Variants in PKNOX2 observed in about 807,000 individuals in gnomAD.
The protein encoded by PKNOX2 is PBX/knotted 1 homeobox 2.
PKNOX2 carries 14 observed loss-of-function variants against 53.1 expected under a neutral mutation model. That is an observed-to-expected ratio of 0.26 (90% CI 0.17 to 0.41). PKNOX2 has a LOEUF of 0.41. Ranked by LOEUF, PKNOX2 falls within the 10% of genes least tolerant of loss-of-function variation. The pLI, the probability that PKNOX2 is intolerant of heterozygous loss-of-function variation, is 1.00. For synonymous variants in PKNOX2, 257 were observed against 242.8 expected (o/e 1.06, Z -0.54); for missense variants, 496 against 602.8 (o/e 0.82, Z 1.85).
intron 6 of PKNOX2, among the ~76,000 whole-genome samples, chr11:125,394,692 A>C (rs911892270): frequency 6.6e-6 from 1 of 152,202 alleles, no homozygotes; most frequent in Admixed American, 6.5e-5. Context: ...TCCTCTAGGC[A>C]TCCAGGAGCT....
At chr11:125,237,154 G>A (rs138969412) in intron 2 of PKNOX2, among the ~76,000 whole-genome samples, 2 of 152,332 alleles carry the variant, frequency 1.3e-5, no homozygotes, top group African/African-American at 4.8e-5. Flanking sequence ...TGGCTGGACT[G>A]TCTTGGCCAG....
At chr11:125,311,023 A>T (rs186736928) in intron 2 of PKNOX2, among the ~76,000 whole-genome samples, 2 of 152,006 alleles carry the variant, frequency 1.3e-5, no homozygotes, top group East Asian at 3.9e-4. Context: ...TGTGTGTGGT[A>T]TGGGGGAGTC....
intron 2 of PKNOX2, among the ~76,000 whole-genome samples, chr11:125,250,783 A>T (rs565035462): frequency 6.6e-6 from 1 of 152,344 alleles, no homozygotes; most frequent in East Asian, 1.9e-4. Context: ...TAGATGGAGC[A>T]CTTACAGCTC....
chr11:125,360,020 G>T (rs1042453925), intron 4 of PKNOX2, among the ~76,000 whole-genome samples: 2 of 152,136 alleles, frequency 1.3e-5, no homozygotes, highest in Non-Finnish European at 2.9e-5. Context: ...CACCATGCCC[G>T]GTGTAATCCC....
At chr11:125,388,411 G>A (rs11220044) in intron 6 of PKNOX2, among the ~76,000 whole-genome samples, 6,555 of 152,132 alleles carry the variant, frequency 0.043, 393 homozygotes, top group South Asian at 0.25. Flanking sequence ...CTGCGCAGCC[G>A]AGCAGGGACA....
Position 125,431,756 on chromosome 11 carries a change from A to G in PKNOX2, c.*364A>G, listed in dbSNP as rs55782530. The G allele has an allele frequency of 7.0e-3, 1,622 of 231,392 alleles. 5 individuals carry two copies. Among genetic ancestry groups the G allele is most frequent in the Non-Finnish European group, 0.011 (1,268 of 117,330 alleles). 14.3% of individuals were successfully genotyped at this position (231,392 alleles called of 1,614,324 possible). A position where few individuals can be genotyped will look rare whatever the true frequency, so the allele number is the denominator to read the frequency against. The stretch of plus-strand genomic sequence containing the variant: ...TTGTTTACAAGCCCTGCACTGAGGC[A>G]GATTGGTGCTGTTCGCAGAGTAGGC... On this transcript the variant is annotated 3_prime_UTR_variant, in exon 13 of 13. Coordinates refer to ENST00000298282, the MANE Select transcript of PKNOX2 (RefSeq NM_001382323.2).
intron 2 of PKNOX2, among the ~76,000 whole-genome samples, chr11:125,311,976 G>A (rs12805223): frequency 2.2e-3 from 335 of 152,284 alleles, no homozygotes; most frequent in Non-Finnish European, 3.3e-3. Flanking sequence ...CTGTACTCCA[G>A]CTTGGGTGAC....
At chr11:125,363,683 C>G (rs1448921777) in intron 4 of PKNOX2, among the ~76,000 whole-genome samples, 2 of 152,178 alleles carry the variant, frequency 1.3e-5, no homozygotes, top group Non-Finnish European at 2.9e-5. Flanking sequence ...AGCTCCAAAT[C>G]TGGAGTGGCC....
chr11:125,425,094 G>A (rs1241182521), intron 10 of PKNOX2, among the ~76,000 whole-genome samples: 2 of 152,134 alleles, frequency 1.3e-5, no homozygotes, highest in Admixed American at 6.5e-5. Context: ...TCAGTGCATC[G>A]CACAGAGTGA....
chr11:125,173,759 G>C (rs982739532), intron 1 of PKNOX2, among the ~76,000 whole-genome samples: 1 of 152,206 alleles, frequency 6.6e-6, no homozygotes, highest in Non-Finnish European at 1.5e-5. Context: ...TGCCAGCCCA[G>C]GTGTAAGCTG....
chr11:125,327,840 A>G (rs1039336295), intron 2 of PKNOX2, among the ~76,000 whole-genome samples: 8 of 152,218 alleles, frequency 5.3e-5, no homozygotes, highest in African/African-American at 1.9e-4. Flanking sequence ...GGAGAATTCC[A>G]AGTGTATTGT....
intron 2 of PKNOX2, among the ~76,000 whole-genome samples, chr11:125,320,029 G>A (rs1182697215): frequency 6.6e-6 from 1 of 152,186 alleles, no homozygotes; most frequent in African/African-American, 2.4e-5. Flanking sequence ...TAGAGTATTT[G>A]CACCTTCAAA....
chr11:125,257,979 G>A (rs973570299), intron 2 of PKNOX2, among the ~76,000 whole-genome samples: 1 of 152,126 alleles, frequency 6.6e-6, no homozygotes, highest in Non-Finnish European at 1.5e-5. Flanking sequence ...AGGCCTCAGG[G>A]CACCTGAGCT....
intron 3 of PKNOX2, among the ~76,000 whole-genome samples, chr11:125,335,213 C>T (rs182663417): frequency 2.0e-5 from 3 of 152,322 alleles, no homozygotes; most frequent in East Asian, 1.9e-4. Context: ...AGCTCCTGAA[C>T]GGGCCCCCTC....
chr11:125,276,029 G>A (rs767499028), intron 2 of PKNOX2, among the ~76,000 whole-genome samples: 163 of 152,188 alleles, frequency 1.1e-3, no homozygotes, highest in Non-Finnish European at 1.7e-3. Flanking sequence ...GAGTGCTTGC[G>A]AAATACGGGA....
At chr11:125,334,962 T>C (rs1565499662) in intron 3 of PKNOX2, among the ~76,000 whole-genome samples, 1 of 152,154 alleles carries the variant, frequency 6.6e-6, no homozygotes, top group Non-Finnish European at 1.5e-5. Context: ...ATTTACCTCA[T>C]GGGGCTTCTG....
chr11:125,262,248 C>G (rs1056309455), intron 2 of PKNOX2, among the ~76,000 whole-genome samples: 11 of 152,092 alleles, frequency 7.2e-5, no homozygotes. Flanking sequence ...GCAGCTGCGT[C>G]TCCCCTTGGG....
At chr11:125,372,560 A>C (rs550005011) in intron 5 of PKNOX2, among the ~76,000 whole-genome samples, 2 of 152,290 alleles carry the variant, frequency 1.3e-5, no homozygotes, top group South Asian at 4.1e-4. Flanking sequence ...GTGTTTTATA[A>C]GTGTCTTCAG....
At chr11:125,214,203 C>T (rs993075570) in intron 1 of PKNOX2, among the ~76,000 whole-genome samples, 1 of 152,088 alleles carries the variant, frequency 6.6e-6, no homozygotes, top group Non-Finnish European at 1.5e-5. Flanking sequence ...TGGAGGGTGG[C>T]TTGGAAGAGA....
Sources: gnomAD v4.1 joint callset for allele counts (sites outside exome capture counted in the v4.1 genomes callset) on GRCh38, gnomAD v4.1.1 for gene constraint, MANE v1.5 for transcripts, NCBI Gene and HGNC (gene_info 2026-07-23, HGNC 2026-07-21) for gene names.